ASIC2: variants seen among roughly 807,000 people sequenced by gnomAD.
The protein encoded by ASIC2 is acid sensing ion channel subunit 2.
Under a neutral mutation model 57.3 loss-of-function variants are expected in ASIC2, and 25 were observed. That is an observed-to-expected ratio of 0.44 (90% confidence interval 0.32 to 0.61). The LOEUF (loss-of-function observed/expected upper bound fraction) is 0.61. Among genes scored for constraint, ASIC2 ranks in the 20% least tolerant of loss-of-function variants. The pLI is 0.06. For missense variants in ASIC2, 641 were observed against 738.1 expected, an observed-to-expected ratio of 0.87 and a Z score of 1.52; for synonymous variants, 319 against 307.5, an observed-to-expected ratio of 1.04 and a Z score of -0.39.
intron 1 of ASIC2, among the ~76,000 whole-genome samples, chr17:33,703,551 C>G (rs576473467): frequency 2.0e-5 from 3 of 152,184 alleles, no homozygotes; most frequent in South Asian, 4.2e-4. Flanking sequence ...TGGGGTTTTA[C>G]CATGTTGCCC....
At chr17:33,154,960 A>G (rs1904938779) in intron 1 of ASIC2, among the ~76,000 whole-genome samples, 1 of 152,188 alleles carries the variant, frequency 6.6e-6, no homozygotes, top group East Asian at 1.9e-4. Flanking sequence ...GCGCTGAGGG[A>G]CACTGAAGGC....
At chr17:33,144,590 G>T (rs1168315378) in intron 1 of ASIC2, among the ~76,000 whole-genome samples, 1 of 152,074 alleles carries the variant, frequency 6.6e-6, no homozygotes, top group African/African-American at 2.4e-5. Context: ...AAATAGTAGG[G>T]GTTTAATACC....
chr17:33,701,308 G>A (rs1473027916), intron 1 of ASIC2, among the ~76,000 whole-genome samples: 1 of 152,094 alleles, frequency 6.6e-6, no homozygotes, highest in Non-Finnish European at 1.5e-5. Context: ...TTGTTCGTCT[G>A]TTCAATATTT....
At chr17:33,867,351 A>G (rs762681515) in intron 1 of ASIC2, among the ~76,000 whole-genome samples, 19 of 152,186 alleles carry the variant, frequency 1.2e-4, no homozygotes, top group Non-Finnish European at 2.2e-4. Flanking sequence ...TGATTTATTT[A>G]TCTCTAGAAT....
chr17:34,001,224 A>G (rs1210096851), intron 1 of ASIC2: 1 of 152,172 alleles, frequency 6.6e-6, no homozygotes, highest in Non-Finnish European at 1.5e-5. Flanking sequence ...GACTAGCTTC[A>G]GCAAGTTAAT....
intron 1 of ASIC2, among the ~76,000 whole-genome samples, chr17:33,210,725 C>T (rs1225839671): frequency 1.3e-5 from 2 of 152,208 alleles, no homozygotes; most frequent in Non-Finnish European, 2.9e-5. Flanking sequence ...AGGAAAGCCT[C>T]ACCCTTCATA....
In ASIC2 at chr17:33,291,919, A is replaced by G. The variant is rs1383122654; in HGVS notation, c.197T>C (p.Leu66Pro). ...RGRPSLSRAK[L>P]HGLRHMCAGR... ...GGCACACATGTGCCGCAGCCCGTGC[A>G]GTTTAGCGCGGCTCAGCGATGGCCG... is the stretch of plus-strand genomic sequence containing the variant. Residue 66 changes from leucine to proline, a missense_variant, in exon 1 of 10, where the codon CTG (leucine) becomes CCG (proline). This residue lies in a region of ASIC2 where 382 missense variants were observed against 398.0 expected (regional missense o/e 0.96). Coordinates refer to ENST00000225823, the MANE Select transcript of ASIC2 (RefSeq NM_183377.2). 1.3e-6 allele frequency: 2 copies of G among 1,584,736 alleles called. No homozygotes were observed. The highest frequency in any genetic ancestry group is 1.1e-5 in the South Asian group (1 of 89,336).
chr17:34,131,725 G>C lies in ASIC2; in HGVS notation c.555+24253C>G, dbSNP rs557814351. On this transcript the variant is annotated intron_variant, in intron 1 of 9. Coordinates refer to the ASIC2 transcript ENST00000359872. The stretch of plus-strand genomic sequence containing the variant: ...GAAATATTTCAGTCTGTGGCTCTGC[G>C]TGCCTTTCCTTTAATCCCACTGAGA... Among the ~76,000 whole-genome samples the C allele has an allele frequency of 6.5e-4, 99 of 152,334 alleles. No individual in the cohort carries two copies. The Middle Eastern group carries it at 0.017, about 26-fold the overall frequency.
At chr17:33,358,582 G>A (rs904512802) in intron 1 of ASIC2, among the ~76,000 whole-genome samples, 8 of 152,102 alleles carry the variant, frequency 5.3e-5, no homozygotes, top group Non-Finnish European at 1.0e-4. Context: ...CATAAGCTTG[G>A]CAATTATGCT....
intron 3 of ASIC2, among the ~76,000 whole-genome samples, chr17:33,085,504 C>T (rs945580619): frequency 3.3e-5 from 5 of 152,226 alleles, no homozygotes; most frequent in Non-Finnish European, 7.3e-5. Flanking sequence ...GGGCTAAATC[C>T]TCAAAATATA....
At chr17:33,500,976 C>G (rs1024339588) in intron 1 of ASIC2, among the ~76,000 whole-genome samples, 2 of 152,222 alleles carry the variant, frequency 1.3e-5, no homozygotes, top group Non-Finnish European at 2.9e-5. Context: ...GTTTTAGTAT[C>G]GACATGGTGC....
chr17:33,952,725 T>C (rs1236369976), intron 1 of ASIC2, among the ~76,000 whole-genome samples: 2 of 152,130 alleles, frequency 1.3e-5, no homozygotes, highest in Non-Finnish European at 1.5e-5. Context: ...CATTTAAAAT[T>C]CAGATGAAGA....
chr17:33,266,111 A>G (rs1909449088), intron 1 of ASIC2, among the ~76,000 whole-genome samples: 2 of 152,188 alleles, frequency 1.3e-5, no homozygotes, highest in South Asian at 4.1e-4. Context: ...ACACCTTGCC[A>G]TTCAGACCCC....
At chr17:33,064,386 C>A (rs563939691) in intron 3 of ASIC2, among the ~76,000 whole-genome samples, 352 of 152,292 alleles carry the variant, frequency 2.3e-3, no homozygotes, top group Non-Finnish European at 3.9e-3. Flanking sequence ...ACTGTCAGAA[C>A]CCTCAGCTGC....
intron 1 of ASIC2, among the ~76,000 whole-genome samples, chr17:33,142,553 TTCTC>T (rs1904359899): frequency 6.6e-6 from 1 of 152,122 alleles, no homozygotes; most frequent in Non-Finnish European, 1.5e-5. Context: ...GCAGAGCAGG[TTCTC>T]TCTCTCTGAA....
chr17:33,143,153 G>A (rs776942162), intron 1 of ASIC2, among the ~76,000 whole-genome samples: 8 of 152,182 alleles, frequency 5.3e-5, no homozygotes, highest in African/African-American at 4.8e-5. Flanking sequence ...AGCAGTGTAG[G>A]TAGGTTGCTT....
intron 1 of ASIC2, among the ~76,000 whole-genome samples, chr17:33,416,526 G>A (rs750193143): frequency 7.2e-5 from 11 of 152,198 alleles, no homozygotes; most frequent in Non-Finnish European, 1.5e-4. Context: ...GGAGTGGTGG[G>A]GGTAAAGAAG....
chr17:33,658,704 G>A (rs1446051015), intron 1 of ASIC2, among the ~76,000 whole-genome samples: 2 of 152,072 alleles, frequency 1.3e-5, no homozygotes, highest in South Asian at 2.1e-4. Context: ...CTCTCCTAAA[G>A]GCCCCACCTT....
chr17:33,623,696 C>G (rs1379321688), intron 1 of ASIC2, among the ~76,000 whole-genome samples: 4 of 152,194 alleles, frequency 2.6e-5, no homozygotes, highest in African/African-American at 9.6e-5. Context: ...TTGTCCATTT[C>G]TCTATCTGCC....
Sources: allele counts gnomAD v4.1 joint callset (sites outside exome capture counted in the v4.1 genomes callset), GRCh38; gene constraint gnomAD v4.1.1; regional missense constraint gnomAD v4.1.1; transcripts MANE v1.5; gene names NCBI Gene and HGNC (gene_info 2026-07-23, HGNC 2026-07-21).